The following PI4KB variants were observed in gnomAD, a reference collection of about 807,000 sequenced individuals.
PI4KB encodes PtdIns 4-kinase beta.
Under a neutral mutation model 81.4 loss-of-function variants are expected in PI4KB, and 23 were observed. The observed-to-expected ratio is 0.28, with a 90% CI of 0.20 to 0.40. PI4KB has a LOEUF of 0.40. Among genes scored for constraint, PI4KB ranks in the 10% least tolerant of loss-of-function variants. PI4KB has a pLI of 1.00. For missense variants in PI4KB, 651 were observed against 1,036.6 expected, an observed-to-expected ratio of 0.63 and a Z score of 5.11; for synonymous variants, 381 against 406.8, an observed-to-expected ratio of 0.94 and a Z score of 0.76.
At chr1:151,310,019 A>G (rs1167013093) in intron 3 of PI4KB, among the ~76,000 whole-genome samples, 192 bp downstream of exon 3, 1 of 152,192 alleles carries the variant, frequency 6.6e-6, no homozygotes, top group African/African-American at 2.4e-5. Flanking sequence ...GCCTGGGCTC[A>G]GGATTTCCAC....
At position 151,319,903 on chromosome 1, in the gene PI4KB, C is replaced by T. The variant is rs181725847; in HGVS notation, c.-28-3394G>A. ...ATATTAGTGACATCACCTTCAACCC[C>T]GGTGACCCTGGATGCATATACTTTG... On this transcript the variant is annotated intron_variant, in intron 1 of 11. Coordinates refer to ENST00000368873, the MANE Select transcript of PI4KB (RefSeq NM_001369623.2). Among the ~76,000 whole-genome samples, 671 of 152,310 alleles carry T rather than the reference C, an allele frequency of 4.4e-3. 6 individuals carry two copies. Among genetic ancestry groups the T allele is most frequent in the Middle Eastern group, 0.014 (4 of 294 alleles).
intron 1 of PI4KB, among the ~76,000 whole-genome samples, chr1:151,323,902 C>G (rs1322594389): frequency 6.6e-6 from 1 of 152,064 alleles, no homozygotes; most frequent in Admixed American, 6.6e-5. Context: ...TCTTCATAAA[C>G]TCTTTGAGTA....
intron 1 of PI4KB, among the ~76,000 whole-genome samples, chr1:151,326,594 G>A (rs1221663912): frequency 1.3e-5 from 2 of 152,206 alleles, no homozygotes. Context: ...AGAAGCTAAA[G>A]AAAGTTATAG....
intron 9 of PI4KB, chr1:151,298,506 A>G (rs1015797644): frequency 2.0e-5 from 8 of 395,836 alleles, no homozygotes; most frequent in African/African-American, 1.4e-4. Flanking sequence ...TATTTCTTCT[A>G]GCTGGGATGT....
At chr1:151,304,741 C>T (rs1415098041) in intron 5 of PI4KB, among the ~76,000 whole-genome samples, 2 of 151,834 alleles carry the variant, frequency 1.3e-5, no homozygotes, top group East Asian at 1.9e-4. Context: ...CTGCAGCCTC[C>T]GCCTCCCAGG....
chr1:151,298,552 T>C, intron 9 of PI4KB: 1 of 508,760 alleles, frequency 2.0e-6, no homozygotes, highest in South Asian at 2.5e-5. Flanking sequence ...TCATTTTCCC[T>C]TGTCCTTGAA....
At chr1:151,295,701 T>C (rs587741906) in intron 9 of PI4KB, among the ~76,000 whole-genome samples, 1 of 152,342 alleles carries the variant, frequency 6.6e-6, no homozygotes, top group East Asian at 1.9e-4. Context: ...ACTATATCTA[T>C]TCTTTTTTGA....
At position 151,292,615 on chromosome 1, in the gene PI4KB, A is replaced by C. The variant is rs918529327; in HGVS notation, c.*237T>G. ...GAGTCCTGGAGTCAGTCTGGTGGTA[A>C]TACTGACACAGACCAGGAGGGGCAG... is the stretch of plus-strand genomic sequence containing the variant. On this transcript the variant is annotated 3_prime_UTR_variant, in exon 12 of 12. Transcript: ENST00000368873. The C allele has an allele frequency of 1.3e-5, 7 of 542,218 alleles. No individual in the cohort carries two copies. Among genetic ancestry groups the C allele is most frequent in the Admixed American group, 3.3e-5 (1 of 30,636 alleles). The allele number at this position is 542,218 out of a possible 1,614,324, so 33.6% of individuals were successfully genotyped here. A position where few individuals can be genotyped will look rare whatever the true frequency, so the allele number is the denominator to read the frequency against.
chr1:151,315,017 C>T (rs1335043133), intron 2 of PI4KB, among the ~76,000 whole-genome samples: 7 of 152,226 alleles, frequency 4.6e-5, no homozygotes, highest in Admixed American at 1.3e-4. Flanking sequence ...CTCACTCTGT[C>T]GCCCAAGCTG....
At chr1:151,312,096 G>GA (rs1159308362) in intron 2 of PI4KB, among the ~76,000 whole-genome samples, 1 of 152,228 alleles carries the variant, frequency 6.6e-6, no homozygotes, top group Admixed American at 6.5e-5. Flanking sequence ...AGCAGTGGTG[G>GA]AAAATGTGAA....
intron 2 of PI4KB, among the ~76,000 whole-genome samples, chr1:151,314,137 TCTTC>T (rs1210955174): frequency 6.6e-6 from 1 of 152,248 alleles, no homozygotes. Flanking sequence ...TCTCCCTCCC[TCTTC>T]CTTTTCTCTA....
chr1:151,313,134 T>G (rs1647373725), intron 2 of PI4KB, among the ~76,000 whole-genome samples: 1 of 152,210 alleles, frequency 6.6e-6, no homozygotes, highest in South Asian at 2.1e-4. Context: ...ACGACTCTAA[T>G]GCTTAGAAAC....
At chr1:151,327,215 G>GCCCC (rs1398159497) in intron 1 of PI4KB, 56 bp downstream of exon 1, 3 of 49,838 alleles carry the variant, frequency 6.0e-5, no homozygotes, top group Admixed American at 2.1e-4. Context: ...GTGGGAGAGG[G>GCCCC]ACCCCCCCCC....
chr1:151,300,479 G>T (rs1032364284), intron 8 of PI4KB, among the ~76,000 whole-genome samples: 5 of 152,162 alleles, frequency 3.3e-5, no homozygotes, highest in Non-Finnish European at 7.3e-5. Context: ...GGTGGCGCAT[G>T]CCTATAATCC....
At chr1:151,320,600 C>T (rs1380548602) in intron 1 of PI4KB, among the ~76,000 whole-genome samples, 1 of 152,194 alleles carries the variant, frequency 6.6e-6, no homozygotes, top group Non-Finnish European at 1.5e-5. Context: ...GCCCTCTGAG[C>T]AGTAGAACCA....
chr1:151,310,712 C>A (rs587652001), intron 2 of PI4KB, among the ~76,000 whole-genome samples: 1 of 152,228 alleles, frequency 6.6e-6, no homozygotes, highest in African/African-American at 2.4e-5. Flanking sequence ...ATACTGGAAA[C>A]CCCATGTTCC....
chr1:151,324,988 C>A, intron 1 of PI4KB: 1 of 371,166 alleles, frequency 2.7e-6, no homozygotes, highest in Non-Finnish European at 3.6e-6. Flanking sequence ...AGGAAAGCTG[C>A]TTTTTTTTTT....
chr1:151,306,272 C>G lies in PI4KB; in HGVS notation c.1274G>C (p.Ser425Thr). The G allele has an allele frequency of 6.2e-7, 1 of 1,614,186 alleles. No individual in the cohort carries two copies. The highest frequency in any genetic ancestry group is 8.5e-7 in the Non-Finnish European group (1 of 1,180,024). The change falls in exon 5 of 12, where the codon AGT (serine) becomes ACT (threonine). Residue 425 changes from serine (S) to threonine (T), a missense_variant. Physicochemically the swap from Ser to Thr is moderately conservative, Grantham distance 58. This residue lies in a region of PI4KB where 246 missense variants were observed against 430.1 expected (regional missense o/e 0.57). Coordinates refer to ENST00000368873, the MANE Select transcript of PI4KB (RefSeq NM_001369623.2). ...GGGCAAGTTTTCTACGGACCTCGTA[C>G]TCCGAATTCGGTTCTCGGGGATCCG... ...PARIPENRIR[S>T]TRSVENLPEC...
rs936240349 is a variant in PI4KB at position 151,291,835 on chromosome 1, T to C, written c.*1017A>G. 1 of 152,480 alleles carries C rather than the reference T, an allele frequency of 6.6e-6. No individual in the cohort carries two copies. The highest frequency in any genetic ancestry group is 1.5e-5 in the Non-Finnish European group (1 of 68,074). The allele number at this position is 152,480 out of a possible 1,614,324, so 9.4% of individuals were successfully genotyped here. The stretch of plus-strand genomic sequence containing the variant: ...GAATCCTTTATTCTTGTAGTAATAA[T>C]AATACTAACAAACAGTTGGGGAACT... On this transcript the variant is annotated 3_prime_UTR_variant, in exon 12 of 12. Transcript: ENST00000368873.
Sources: allele counts gnomAD v4.1 joint callset (sites outside exome capture counted in the v4.1 genomes callset), GRCh38; gene constraint gnomAD v4.1.1; regional missense constraint gnomAD v4.1.1; transcripts MANE v1.5; gene names NCBI Gene and HGNC (gene_info 2026-07-23, HGNC 2026-07-21).